The following SHANK2 variants were observed in gnomAD, a reference collection of about 807,000 sequenced individuals.
SHANK2 encodes the protein SH3 and multiple ankyrin repeat domains protein 2.
In SHANK2, 43 loss-of-function variants were observed where a neutral mutation model predicts 133.7. The ratio of observed to expected loss-of-function variants is 0.32; its 90% CI spans 0.25 to 0.41. The LOEUF is 0.41. Among genes scored for constraint, SHANK2 ranks in the 10% least tolerant of loss-of-function variants. SHANK2 has a pLI of 1.00. For synonymous variants in SHANK2, 1,017 were observed against 952.8 expected, an observed-to-expected ratio of 1.07 and a Z score of -1.24; for missense variants, 1,994 against 2,235.8, an observed-to-expected ratio of 0.89 and a Z score of 2.18.
intron 14 of SHANK2, among the ~76,000 whole-genome samples, chr11:70,732,389 G>C (rs1374727740): frequency 6.6e-6 from 1 of 152,098 alleles, no homozygotes; most frequent in Non-Finnish European, 1.5e-5. Flanking sequence ...CCTGGCTCTG[G>C]ACCAGTCTCC....
intron 2 of SHANK2, among the ~76,000 whole-genome samples, chr11:71,213,830 T>C (rs966168322): frequency 2.0e-5 from 3 of 152,178 alleles, no homozygotes; most frequent in South Asian, 2.1e-4. Context: ...TTAGGACGTT[T>C]TGACATCTAG....
chr11:70,898,579 GT>G (rs1274305084), intron 10 of SHANK2, among the ~76,000 whole-genome samples: 6 of 152,176 alleles, frequency 3.9e-5, no homozygotes, highest in Non-Finnish European at 8.8e-5. Flanking sequence ...CTGTGTTCTA[GT>G]ATTTTTGTGG....
At chr11:70,616,949 T>C (rs916705323) in intron 17 of SHANK2, among the ~76,000 whole-genome samples, 1 of 151,928 alleles carries the variant, frequency 6.6e-6, no homozygotes, top group South Asian at 2.1e-4. Context: ...TCTATGATAG[T>C]GTGTGTGTAT....
chr11:70,694,550 T>C (rs575465098), intron 15 of SHANK2, among the ~76,000 whole-genome samples: 34 of 152,342 alleles, frequency 2.2e-4, no homozygotes, highest in Admixed American at 1.8e-3. Flanking sequence ...CTGTGGATAA[T>C]TGGCCCACAG....
intron 1 of SHANK2, among the ~76,000 whole-genome samples, chr11:71,235,177 T>C (rs1954809396): frequency 6.6e-6 from 1 of 152,062 alleles, no homozygotes; most frequent in Non-Finnish European, 1.5e-5. Context: ...TGAGGTGACT[T>C]AGGGTGGGGG....
chr11:70,538,193 C>T lies in SHANK2; in HGVS notation c.2062-35262G>A, dbSNP rs566267970. 1.2e-3 allele frequency among the ~76,000 whole-genome samples: 185 copies of T among 152,336 alleles called. 1 individual carries two copies. Among genetic ancestry groups the T allele is most frequent in the African/African-American group, 4.0e-3 (168 of 41,588 alleles). ...GGCCAGAAAGCTGAGTCACCCCACC[C>T]GGGGGCTCCTGCAGCCCTGCCTGTG... is the stretch of plus-strand genomic sequence containing the variant. On this transcript the variant is annotated intron_variant, in intron 17 of 25. Coordinates refer to ENST00000601538, the MANE Select transcript of SHANK2 (RefSeq NM_012309.5).
chr11:70,849,533 T>G (rs564099973), intron 11 of SHANK2, among the ~76,000 whole-genome samples: 136 of 152,274 alleles, frequency 8.9e-4, no homozygotes, highest in African/African-American at 3.1e-3. Context: ...GAGCCAACTG[T>G]ACTAGAGCAT....
chr11:70,869,934 C>T (rs1447000212), intron 11 of SHANK2, among the ~76,000 whole-genome samples: 5 of 152,130 alleles, frequency 3.3e-5, no homozygotes, highest in African/African-American at 1.2e-4. Context: ...TTCTCACACA[C>T]CCAGAAACCC....
intron 11 of SHANK2, among the ~76,000 whole-genome samples, chr11:70,867,037 C>T (rs1555069191): frequency 6.6e-6 from 1 of 151,552 alleles, no homozygotes; most frequent in Non-Finnish European, 1.5e-5. Flanking sequence ...AATGATATGC[C>T]GTGGACACCA....
intron 15 of SHANK2, among the ~76,000 whole-genome samples, chr11:70,686,015 C>T (rs1945139921): frequency 1.3e-5 from 2 of 151,104 alleles, no homozygotes; most frequent in African/African-American, 4.9e-5. Flanking sequence ...ATTCATCCAC[C>T]TATCCAGCCA....
chr11:70,778,462 AC>A (rs1555044418), intron 14 of SHANK2, among the ~76,000 whole-genome samples: 1 of 152,136 alleles, frequency 6.6e-6, no homozygotes, highest in African/African-American at 2.4e-5. Flanking sequence ...TGAAGCCATG[AC>A]CCCCTCAGTG....
At chr11:70,768,443 C>T (rs1328043650) in intron 14 of SHANK2, among the ~76,000 whole-genome samples, 3 of 152,098 alleles carry the variant, frequency 2.0e-5, no homozygotes, top group Non-Finnish European at 2.9e-5. Flanking sequence ...GAATGTGACC[C>T]GGAGGCAGTT....
intron 1 of SHANK2, among the ~76,000 whole-genome samples, chr11:71,228,965 T>C (rs551839832): frequency 1.3e-5 from 2 of 152,244 alleles, no homozygotes; most frequent in South Asian, 4.2e-4. Context: ...AATCAATCAA[T>C]GTAATCTACT....
chr11:70,833,969 G>C (rs1555059287), intron 11 of SHANK2, among the ~76,000 whole-genome samples: 1 of 152,234 alleles, frequency 6.6e-6, no homozygotes, highest in Non-Finnish European at 1.5e-5. Context: ...GGAGCTCCAA[G>C]TTGATGAAGG....
intron 4 of SHANK2, among the ~76,000 whole-genome samples, chr11:71,115,834 G>A (rs1417028870): frequency 3.3e-5 from 5 of 152,110 alleles, no homozygotes; most frequent in African/African-American, 4.8e-5. Context: ...TACTCTTCCT[G>A]GTCCATCACC....
At chr11:70,696,559 A>G (rs1591758833) in intron 15 of SHANK2, among the ~76,000 whole-genome samples, 1 of 152,186 alleles carries the variant, frequency 6.6e-6, no homozygotes, top group Non-Finnish European at 1.5e-5. Context: ...TCAGTCCCTG[A>G]CCTGCCTTTA....
chr11:71,061,682 T>C (rs1427302928), intron 9 of SHANK2, among the ~76,000 whole-genome samples: 2 of 152,108 alleles, frequency 1.3e-5, no homozygotes, highest in South Asian at 4.1e-4. Flanking sequence ...CCCCTCCAAG[T>C]CCCAGGCACA....
chr11:70,609,292 G>A (rs915089020), intron 17 of SHANK2, among the ~76,000 whole-genome samples: 3 of 152,210 alleles, frequency 2.0e-5, no homozygotes, highest in Non-Finnish European at 4.4e-5. Context: ...GGAAGAATCC[G>A]AGGACTCCTG....
chr11:70,598,698 A>G (rs1281291109), intron 17 of SHANK2, among the ~76,000 whole-genome samples: 2 of 152,244 alleles, frequency 1.3e-5, no homozygotes, highest in African/African-American at 4.8e-5. Flanking sequence ...ATTTGGCAAC[A>G]TATTAAAAAG....
Sources: allele counts gnomAD v4.1 joint callset (sites outside exome capture counted in the v4.1 genomes callset), GRCh38; gene constraint gnomAD v4.1.1; transcripts MANE v1.5; gene names NCBI Gene and HGNC (gene_info 2026-07-23, HGNC 2026-07-21).